The following CACHD1 variants were observed in gnomAD, a reference collection of about 807,000 sequenced individuals.
CACHD1 encodes the protein cache domain containing 1.
A neutral mutation model predicts 138.7 loss-of-function variants in CACHD1; 71 were observed. The observed-to-expected ratio is 0.51, with a 90% CI of 0.42 to 0.62. CACHD1 has a LOEUF of 0.62. Ranked by LOEUF, CACHD1 falls within the 20% of genes least tolerant of loss-of-function variation. CACHD1 has a pLI of 0.00. For synonymous variants in CACHD1, 578 were observed against 591.5 expected, an observed-to-expected ratio of 0.98 and a Z score of 0.33; for missense variants, 1,389 against 1,625.3, an observed-to-expected ratio of 0.85 and a Z score of 2.50.
In CACHD1 at chr1:64,470,685, C is replaced by A. The variant is rs1194876157; in HGVS notation, c.-60C>A. The A allele has an allele frequency of 8.6e-6, 4 of 465,134 alleles. No individual in the cohort carries two copies. Among genetic ancestry groups the A allele is most frequent in the Non-Finnish European group, 1.5e-5 (4 of 267,738 alleles). The allele number at this position is 465,134 out of a possible 1,614,324, so 28.8% of individuals were successfully genotyped here. A position where few individuals can be genotyped will look rare whatever the true frequency, so the allele number is the denominator to read the frequency against. On this transcript the variant is annotated 5_prime_UTR_variant, in exon 1 of 27. Coordinates refer to ENST00000651257, the MANE Select transcript of CACHD1 (RefSeq NM_020925.4). The surrounding 1 kb of genome is among the most constrained non-coding windows in gnomAD (Gnocchi z 5.2). ...GTGCGCCGCGCTTTTGCGGGGGGCA[C>A]CTCCCGCGGCCCGCTTCCCCGCGCC...
chr1:64,663,739 T>C lies in CACHD1; in HGVS notation c.1996T>C (p.Tyr666His), dbSNP rs1570463497. ...MLSAGSFSSP[Y>H]EHLSQPETKR... is the part of the protein sequence containing the mutation. ...GTCTGCTGGCAGCTTTTCCTCCCCCTATGAGCACCTCAGCCAGCCAGAGAC... is the reference window on the plus strand; with the variant it reads ...GTCTGCTGGCAGCTTTTCCTCCCCCCATGAGCACCTCAGCCAGCCAGAGAC... The change falls in exon 14 of 27, where the codon TAT becomes CAT. Residue 666 changes from tyrosine to histidine, a missense_variant. Around this residue, in one of 5 missense-constraint regions of CACHD1, gnomAD observed 1,000 missense variants for 1,114.7 expected, o/e 0.90. Coordinates refer to ENST00000651257, the MANE Select transcript of CACHD1 (RefSeq NM_020925.4). 3 of 1,614,008 alleles carry C rather than the reference T, an allele frequency of 1.9e-6. No individual in the cohort carries two copies.
At chr1:64,622,968 C>G (rs74080465) in intron 4 of CACHD1, among the ~76,000 whole-genome samples, 5,673 of 152,280 alleles carry the variant, frequency 0.037, 335 homozygotes, top group African/African-American at 0.13. Context: ...CTCCATTTAT[C>G]TATTTCTATG....
intron 21 of CACHD1, among the ~76,000 whole-genome samples, chr1:64,676,500 A>T (rs777814538): frequency 6.6e-6 from 1 of 152,028 alleles, no homozygotes; most frequent in Non-Finnish European, 1.5e-5. Flanking sequence ...ACATGGTCTC[A>T]CTCTGTTGCT....
intron 14 of CACHD1, 133 bp downstream of exon 14, chr1:64,663,970 G>T: frequency 8.4e-7 from 1 of 1,186,364 alleles, no homozygotes; most frequent in Non-Finnish European, 1.2e-6. Context: ...TGCAGAGTGT[G>T]TGGCCCAGGG....
chr1:64,636,911 A>G (rs1362739038), intron 7 of CACHD1, among the ~76,000 whole-genome samples: 3 of 152,302 alleles, frequency 2.0e-5, no homozygotes, highest in South Asian at 2.1e-4. Context: ...GACATCCTGT[A>G]TATTCAGCAG....
chr1:64,559,210 A>G (rs1340058394), intron 2 of CACHD1, among the ~76,000 whole-genome samples: 2 of 152,216 alleles, frequency 1.3e-5, no homozygotes, highest in African/African-American at 4.8e-5. Context: ...GTTCATTGCC[A>G]CACTGTTCAC....
intron 16 of CACHD1, among the ~76,000 whole-genome samples, chr1:64,666,876 G>C (rs1447425292): frequency 2.2e-5 from 3 of 135,230 alleles, no homozygotes; most frequent in African/African-American, 8.4e-5. Context: ...AAAAAAACGA[G>C]AAAGAAAAAG....
chr1:64,691,618 A>G lies in CACHD1; in HGVS notation c.*57A>G, dbSNP rs1650563073. The G allele has an allele frequency of 6.5e-7, 1 of 1,534,668 alleles. No homozygotes were observed. Among genetic ancestry groups the G allele is most frequent in the East Asian group, 2.3e-5 (1 of 44,212 alleles). ...CTGGGAGCTACAGAATGTTCTGGAA[A>G]GAAAAAGAACCGGCTTAAAACCCAC... On this transcript the variant is annotated 3_prime_UTR_variant, in exon 27 of 27. Transcript: ENST00000651257.
intron 1 of CACHD1, among the ~76,000 whole-genome samples, chr1:64,534,106 T>G (rs1422313946): frequency 6.7e-6 from 1 of 150,262 alleles, no homozygotes; most frequent in Non-Finnish European, 1.5e-5. Flanking sequence ...TGTAGTGGCA[T>G]GTTCTTGGCT....
At position 64,595,564 on chromosome 1, in the gene CACHD1, AT is replaced by A. The variant is rs531304391; in HGVS notation, c.411-7237del. Among the ~76,000 whole-genome samples the A allele has an allele frequency of 3.9e-3, 599 of 152,076 alleles. 13 individuals carry two copies. The highest frequency in any genetic ancestry group is 2.9e-3 in the Non-Finnish European group (199 of 67,962). ...CTCTCCCCAGCCTGTTCTCTCTTTG[AT>A]TTTTCCAGATACCCGTCTTTCTTCA... is the stretch of plus-strand genomic sequence containing the variant. On this transcript the variant is annotated intron_variant, in intron 3 of 26. Transcript: ENST00000651257.
intron 4 of CACHD1, among the ~76,000 whole-genome samples, chr1:64,628,292 A>C (rs1288717596): frequency 1.3e-5 from 2 of 152,156 alleles, no homozygotes; most frequent in African/African-American, 2.4e-5. Context: ...CCCCCACTGA[A>C]TTTCTTTTTG....
chr1:64,598,035 T>A (rs1434267720), intron 3 of CACHD1, among the ~76,000 whole-genome samples: 1 of 152,184 alleles, frequency 6.6e-6, no homozygotes, highest in Non-Finnish European at 1.5e-5. Context: ...GCAAGGTGAC[T>A]CTTCCTCTGG....
At chr1:64,475,656 C>G (rs1297227814) in intron 1 of CACHD1, among the ~76,000 whole-genome samples, 1 of 152,132 alleles carries the variant, frequency 6.6e-6, no homozygotes, top group South Asian at 2.1e-4. Context: ...ACGCCATTCT[C>G]CTGCCTCAGC....
At chr1:64,486,347 C>CGT (rs2100286277) in intron 1 of CACHD1, among the ~76,000 whole-genome samples, 1 of 121,128 alleles carries the variant, frequency 8.3e-6, no homozygotes, top group African/African-American at 3.8e-5. Context: ...TTTGAGAGCG[C>CGT]GCGCACACAC....
chr1:64,495,233 G>A (rs1646299307), intron 1 of CACHD1, among the ~76,000 whole-genome samples: 1 of 151,942 alleles, frequency 6.6e-6, no homozygotes, highest in Non-Finnish European at 1.5e-5. Context: ...TTGAAAACTG[G>A]AAATGAATGA....
At chr1:64,586,254 G>A (rs79830897) in intron 3 of CACHD1, among the ~76,000 whole-genome samples, 19 of 152,236 alleles carry the variant, frequency 1.2e-4, no homozygotes, top group African/African-American at 4.6e-4. Context: ...AGTAGAGATG[G>A]GGTTTCACCA....
chr1:64,606,097 G>A (rs1260354346), intron 4 of CACHD1, among the ~76,000 whole-genome samples: 1 of 110,072 alleles, frequency 9.1e-6, no homozygotes, highest in African/African-American at 3.8e-5. Context: ...TTCTAGGTCA[G>A]GAGCTGTAAA....
intron 2 of CACHD1, among the ~76,000 whole-genome samples, chr1:64,577,752 A>G (rs1031491800): frequency 6.6e-6 from 1 of 152,248 alleles, no homozygotes; most frequent in Admixed American, 6.5e-5. Context: ...ATGTTGCTAC[A>G]TGAAAGACTG....
chr1:64,686,591 A>G (rs913893098), intron 26 of CACHD1, among the ~76,000 whole-genome samples: 25 of 152,200 alleles, frequency 1.6e-4, no homozygotes, highest in African/African-American at 3.4e-4. Flanking sequence ...TGTGTTTTCA[A>G]CTATCTATCT....
Sources: allele counts gnomAD v4.1 joint callset (sites outside exome capture counted in the v4.1 genomes callset), GRCh38; gene constraint gnomAD v4.1.1; regional missense constraint gnomAD v4.1.1; non-coding constraint Gnocchi (gnomAD v3.1); transcripts MANE v1.5; gene names NCBI Gene and HGNC (gene_info 2026-07-23, HGNC 2026-07-21).